MAPRE2: variants seen among roughly 807,000 people sequenced by gnomAD.
The protein encoded by MAPRE2 is microtubule-associated protein RP/EB family member 2.
In MAPRE2, 13 loss-of-function variants were observed where a neutral mutation model predicts 43.2. That is an observed-to-expected ratio of 0.30 (90% CI 0.20 to 0.48). The LOEUF (loss-of-function observed/expected upper bound fraction) is 0.48, where lower values mean the gene tolerates loss of function less well. Ranked by LOEUF, MAPRE2 falls within the 20% of genes least tolerant of loss-of-function variation. The pLI, the probability that MAPRE2 is intolerant of heterozygous loss-of-function variation, is 0.99. For synonymous variants in MAPRE2, 135 were observed against 148.8 expected (o/e 0.91, Z 0.68); for missense variants, 161 against 400.2 (o/e 0.40, Z 5.10).
intron 2 of MAPRE2, among the ~76,000 whole-genome samples, chr18:35,026,875 A>G (rs531173731): frequency 2.0e-5 from 3 of 152,328 alleles, no homozygotes; most frequent in African/African-American, 7.2e-5. Flanking sequence ...CTCCTAACCC[A>G]ACATCTCTAA....
chr18:35,116,301 T>C (rs28538832), intron 4 of MAPRE2, among the ~76,000 whole-genome samples: 70 of 152,332 alleles, frequency 4.6e-4, no homozygotes, highest in African/African-American at 1.5e-3. Flanking sequence ...AAAGTGCATG[T>C]TGTTCAGTGT....
rs931762885 is a variant in MAPRE2, at chr18:35,007,292, C to T, written c.-8+1739C>T. Among the ~76,000 whole-genome samples, 18 of 152,138 alleles carry T rather than the reference C, an allele frequency of 1.2e-4. 1 individual carries two copies. Among genetic ancestry groups the T allele is most frequent in the Non-Finnish European group, 7.3e-5 (5 of 68,038 alleles). On this transcript the variant is annotated intron_variant, in intron 2 of 7. Transcript: ENST00000413393. ...TTAGCACTGCCTTTCACCCTCAAAACGTTTCATTTTGGATGATAAATTATA... is the reference window on the plus strand; with the variant it reads ...TTAGCACTGCCTTTCACCCTCAAAATGTTTCATTTTGGATGATAAATTATA...
At chr18:35,113,219 T>G (rs1188054200) in intron 4 of MAPRE2, among the ~76,000 whole-genome samples, 1 of 152,206 alleles carries the variant, frequency 6.6e-6, no homozygotes, top group Non-Finnish European at 1.5e-5. Flanking sequence ...TGAATATTTC[T>G]GAATTTAAAC....
chr18:35,019,438 T>G (rs889340661), intron 2 of MAPRE2, among the ~76,000 whole-genome samples: 8 of 152,002 alleles, frequency 5.3e-5, no homozygotes, highest in Non-Finnish European at 1.0e-4. Context: ...AAGTGTTGAA[T>G]TTGAGTCCGG....
Position 35,063,116 on chromosome 18 carries a change from T to C in MAPRE2, c.123-7079T>C, listed in dbSNP as rs188428430. ...CTTTCAGAACTTTTGTTGTTGTTTTTTTTTTGAGATGGAGTCTCACTCTGT... is the reference window on the plus strand; with the variant it reads ...CTTTCAGAACTTTTGTTGTTGTTTTCTTTTTGAGATGGAGTCTCACTCTGT... On this transcript the variant is annotated intron_variant, in intron 1 of 6. Coordinates refer to ENST00000300249, the MANE Select transcript of MAPRE2 (RefSeq NM_014268.4). 2.8e-4 allele frequency among the ~76,000 whole-genome samples: 43 copies of C among 152,250 alleles called. 1 individual carries two copies. The East Asian group carries it at 8.1e-3, about 29-fold the overall frequency.
At chr18:35,106,297 A>T (rs1406797897) in intron 4 of MAPRE2, among the ~76,000 whole-genome samples, 2 of 151,854 alleles carry the variant, frequency 1.3e-5, no homozygotes, top group Non-Finnish European at 2.9e-5. Flanking sequence ...TACTTGATTT[A>T]TTTTTTTAGT....
intron 5 of MAPRE2, among the ~76,000 whole-genome samples, chr18:35,128,789 TCTCTTC>T (rs1298131724): frequency 1.3e-5 from 2 of 152,270 alleles, no homozygotes; most frequent in Admixed American, 1.3e-4. Flanking sequence ...GACTCCTCCC[TCTCTTC>T]CCCGTCTGCC....
intron 6 of MAPRE2, among the ~76,000 whole-genome samples, chr18:35,133,105 C>G (rs2144251578): frequency 6.6e-6 from 1 of 152,306 alleles, no homozygotes; most frequent in South Asian, 2.1e-4. Context: ...GTTGATATTT[C>G]TATAGGACAT....
intron 1 of MAPRE2, among the ~76,000 whole-genome samples, chr18:34,995,529 A>C (rs2097026067): frequency 6.6e-6 from 1 of 152,198 alleles, no homozygotes; most frequent in Non-Finnish European, 1.5e-5. Flanking sequence ...CTAGTTAATC[A>C]ATTAAATACA....
chr18:35,115,050 A>G (rs1909350405), intron 4 of MAPRE2, among the ~76,000 whole-genome samples: 1 of 152,176 alleles, frequency 6.6e-6, no homozygotes, highest in African/African-American at 2.4e-5. Flanking sequence ...TTGGGCAGGA[A>G]TCGAAAACAG....
intron 2 of MAPRE2, among the ~76,000 whole-genome samples, chr18:35,033,284 C>A (rs2097048709): frequency 6.6e-6 from 1 of 152,096 alleles, no homozygotes; most frequent in African/African-American, 2.4e-5. Context: ...TCAACAGATG[C>A]AGAAAAGGCC....
At chr18:35,084,421 A>G (rs1907777917) in intron 2 of MAPRE2, among the ~76,000 whole-genome samples, 1 of 152,230 alleles carries the variant, frequency 6.6e-6, no homozygotes, top group Admixed American at 6.5e-5. Context: ...TTAAGATCAT[A>G]TGAATTAATG....
intron 2 of MAPRE2, among the ~76,000 whole-genome samples, chr18:35,021,805 A>G (rs1449083059): frequency 6.6e-6 from 1 of 152,186 alleles, no homozygotes; most frequent in Non-Finnish European, 1.5e-5. Context: ...TCAAGAAGAC[A>G]TTGAAGACAA....
chr18:35,033,466 C>T (rs1284004366), intron 2 of MAPRE2, among the ~76,000 whole-genome samples: 3 of 150,620 alleles, frequency 2.0e-5, no homozygotes, highest in Non-Finnish European at 4.5e-5. Context: ...CAGGGATGCC[C>T]TCTCTCACCA....
At chr18:35,052,971 C>T (rs1906022618) in intron 1 of MAPRE2, among the ~76,000 whole-genome samples, 1 of 151,516 alleles carries the variant, frequency 6.6e-6, no homozygotes, top group Non-Finnish European at 1.5e-5. Flanking sequence ...TTAATATGTA[C>T]AGGTCTTATA....
At chr18:34,991,224 T>C (rs1203407904) in intron 1 of MAPRE2, among the ~76,000 whole-genome samples, 1 of 152,148 alleles carries the variant, frequency 6.6e-6, no homozygotes, top group Non-Finnish European at 1.5e-5. Context: ...CAATTCCCTT[T>C]TGTAGTCCCC....
chr18:35,084,133 G>T (rs1021567753), intron 2 of MAPRE2, among the ~76,000 whole-genome samples: 12 of 152,226 alleles, frequency 7.9e-5, no homozygotes, highest in Non-Finnish European at 1.5e-4. Flanking sequence ...AATTAGTCCG[G>T]TGTGGTGGCA....
At chr18:34,992,106 T>G (rs934627142) in intron 1 of MAPRE2, among the ~76,000 whole-genome samples, 25 of 152,312 alleles carry the variant, frequency 1.6e-4, no homozygotes, top group African/African-American at 6.0e-4. Flanking sequence ...TGAGCGACTT[T>G]TGGACGCTGA....
intron 2 of MAPRE2, among the ~76,000 whole-genome samples, chr18:35,093,888 G>T (rs926881260): frequency 6.6e-6 from 1 of 152,154 alleles, no homozygotes; most frequent in Non-Finnish European, 1.5e-5. Flanking sequence ...ATATTGTGTT[G>T]TATATTTCAT....
Sources: gnomAD v4.1 joint callset for allele counts (sites outside exome capture counted in the v4.1 genomes callset) on GRCh38, gnomAD v4.1.1 for gene constraint, MANE v1.5 for transcripts, NCBI Gene and HGNC (gene_info 2026-07-23, HGNC 2026-07-21) for gene names.